MSRA: variants seen among roughly 807,000 people sequenced by gnomAD.
The protein encoded by MSRA is methionine sulfoxide reductase A.
In MSRA, 54 loss-of-function variants were observed where a neutral mutation model predicts 31.3. The ratio of observed to expected loss-of-function variants is 1.73; its 90% confidence interval spans 1.39 to 2.17. The LOEUF (loss-of-function observed/expected upper bound fraction) is 2.17. Ranked by LOEUF, MSRA falls within the 30% of genes most tolerant of loss-of-function variation. The pLI is 0.00. For synonymous variants in MSRA, 169 were observed against 116.5 expected (o/e 1.45, Z -2.90); for missense variants, 507 against 300.9 (o/e 1.69, Z -5.07).
At chr8:10,330,474 A>C (rs1159093078) in intron 5 of MSRA, among the ~76,000 whole-genome samples, 2 of 152,116 alleles carry the variant, frequency 1.3e-5, no homozygotes, top group Non-Finnish European at 1.5e-5. Flanking sequence ...TTTTCTCCTT[A>C]TTCTCCCGTC....
At chr8:10,222,342 T>C (rs1210266064) in intron 2 of MSRA, among the ~76,000 whole-genome samples, 5 of 152,210 alleles carry the variant, frequency 3.3e-5, no homozygotes, top group Non-Finnish European at 1.5e-5. Flanking sequence ...AATGACACAT[T>C]AGCTTGGCTA....
chr8:10,395,755 C>T (rs1294006899), intron 5 of MSRA, among the ~76,000 whole-genome samples: 1 of 152,164 alleles, frequency 6.6e-6, no homozygotes, highest in Non-Finnish European at 1.5e-5. Flanking sequence ...CTGGGAAACC[C>T]TCCCTGAAGT....
rs1210109826 is a variant in MSRA, at chr8:10,103,243, G to C, written c.142+48585G>C. On this transcript the variant is annotated intron_variant, in intron 1 of 5. Coordinates refer to ENST00000317173, the MANE Select transcript of MSRA (RefSeq NM_012331.5). Reference sequence around the variant, plus strand: ...GAGGTCAGTATATTAAAAATAGTCAGAAGAAACAGATTTGACTGAAGGCTT... The same window carrying C: ...GAGGTCAGTATATTAAAAATAGTCACAAGAAACAGATTTGACTGAAGGCTT... Among the ~76,000 whole-genome samples, 5 of 152,142 alleles carry C rather than the reference G, an allele frequency of 3.3e-5. 1 individual carries two copies. Among genetic ancestry groups the C allele is most frequent in the African/African-American group, 9.7e-5 (4 of 41,450 alleles).
intron 5 of MSRA, among the ~76,000 whole-genome samples, chr8:10,423,836 C>G (rs1808962224): frequency 6.6e-6 from 1 of 152,168 alleles, no homozygotes; most frequent in East Asian, 1.9e-4. Flanking sequence ...CTTGAGGTAG[C>G]AACAGGGACC....
intron 1 of MSRA, chr8:10,096,334 A>AT: frequency 1.9e-6 from 2 of 1,057,322 alleles, no homozygotes; most frequent in Non-Finnish European, 2.3e-6. Context: ...CTTGGTCATT[A>AT]TTTTTTTGTG....
intron 1 of MSRA, chr8:10,095,904 GAC>G: frequency 1.5e-6 from 2 of 1,313,696 alleles, no homozygotes; most frequent in East Asian, 2.8e-5. Flanking sequence ...TACCATGAGA[GAC>G]AGGATTAATA....
intron 3 of MSRA, among the ~76,000 whole-genome samples, chr8:10,283,402 A>G (rs974283732): frequency 2.0e-5 from 3 of 152,120 alleles, no homozygotes; most frequent in Admixed American, 1.3e-4. Flanking sequence ...AGGGTGAACT[A>G]TAGAAGAAAT....
intron 1 of MSRA, among the ~76,000 whole-genome samples, chr8:10,073,745 C>T (rs572900540): frequency 6.4e-4 from 98 of 152,142 alleles, no homozygotes; most frequent in African/African-American, 2.3e-3. Flanking sequence ...ACTTTCTACT[C>T]TTTGTCTGTA....
At chr8:10,149,310 A>G (rs1803447580) in intron 1 of MSRA, among the ~76,000 whole-genome samples, 1 of 151,972 alleles carries the variant, frequency 6.6e-6, no homozygotes, top group Non-Finnish European at 1.5e-5. Context: ...TTTAGTAGAG[A>G]TGGGGTTTCA....
chr8:10,092,084 T>TAGC (rs1189231699), intron 1 of MSRA, among the ~76,000 whole-genome samples: 3 of 152,012 alleles, frequency 2.0e-5, no homozygotes, highest in Non-Finnish European at 2.9e-5. Context: ...AAAGGGTCTG[T>TAGC]AGTACTCTTG....
intron 1 of MSRA, among the ~76,000 whole-genome samples, chr8:10,121,403 C>T (rs1158191510): frequency 6.6e-6 from 1 of 152,172 alleles, no homozygotes; most frequent in East Asian, 1.9e-4. Flanking sequence ...ACCTAAACAA[C>T]TGTGCGACTT....
At chr8:10,166,031 A>G (rs1256669537) in intron 1 of MSRA, among the ~76,000 whole-genome samples, 2 of 152,150 alleles carry the variant, frequency 1.3e-5, no homozygotes, top group Non-Finnish European at 2.9e-5. Flanking sequence ...CAAGGTACCC[A>G]AGACCGTGTG....
intron 5 of MSRA, among the ~76,000 whole-genome samples, chr8:10,386,872 TAAA>T (rs61367767): frequency 1.8e-4 from 24 of 132,964 alleles, no homozygotes; most frequent in Non-Finnish European, 2.4e-4. Context: ...GTGGATTATT[TAAA>T]AAAAAAAAAA....
intron 5 of MSRA, among the ~76,000 whole-genome samples, chr8:10,390,993 A>AAC (rs1554548737): frequency 6.6e-6 from 1 of 150,940 alleles, no homozygotes; most frequent in Non-Finnish European, 1.5e-5. Flanking sequence ...AAAAAAAAAA[A>AAC]CAGCACAAGG....
At chr8:10,349,670 A>G (rs886741611) in intron 5 of MSRA, among the ~76,000 whole-genome samples, 2 of 152,200 alleles carry the variant, frequency 1.3e-5, no homozygotes, top group Non-Finnish European at 2.9e-5. Flanking sequence ...CTCTGTGCCT[A>G]GTACGGGGCC....
intron 4 of MSRA, among the ~76,000 whole-genome samples, chr8:10,316,524 ATCCCTCTC>A (rs1296848059): frequency 4.9e-4 from 32 of 65,404 alleles, no homozygotes; most frequent in East Asian, 2.7e-3. Flanking sequence ...TACTTTGATG[ATCCCTCTC>A]TCTCTCTCTC....
At chr8:10,427,232 G>A (rs570821641) in intron 5 of MSRA, among the ~76,000 whole-genome samples, 2 of 152,254 alleles carry the variant, frequency 1.3e-5, no homozygotes, top group Admixed American at 6.5e-5. Flanking sequence ...CTCTGTGGCC[G>A]TGTGCTCACA....
chr8:10,220,276 C>T (rs143587388), intron 2 of MSRA, among the ~76,000 whole-genome samples: 1 of 152,206 alleles, frequency 6.6e-6, no homozygotes, highest in Non-Finnish European at 1.5e-5. Context: ...ACCTTGGGAG[C>T]AACAGTGGTG....
intron 1 of MSRA, among the ~76,000 whole-genome samples, chr8:10,133,370 G>A (rs113446582): frequency 6.0e-4 from 92 of 152,256 alleles, no homozygotes; most frequent in Non-Finnish European, 1.0e-3. Context: ...GGACTCCTCC[G>A]TCAGGAAGGT....
Sources: gnomAD v4.1 joint callset for allele counts (sites outside exome capture counted in the v4.1 genomes callset) on GRCh38, gnomAD v4.1.1 for gene constraint, MANE v1.5 for transcripts, NCBI Gene and HGNC (gene_info 2026-07-23, HGNC 2026-07-21) for gene names.